Variants in STK3 observed in about 807,000 individuals in gnomAD.
The protein encoded by STK3 is serine/threonine kinase 3.
A neutral mutation model predicts 58.0 loss-of-function variants in STK3; 41 were observed. The ratio of observed to expected loss-of-function variants is 0.71; its 90% CI spans 0.55 to 0.92. The LOEUF is 0.92. STK3 is among the 40% of genes least tolerant of loss of function. STK3 has a pLI of 0.00. For synonymous variants in STK3, 170 were observed against 191.0 expected (o/e 0.89, Z 0.91); for missense variants, 479 against 602.7 (o/e 0.79, Z 2.15).
At chr8:98,760,001 T>C (rs1830520137) in intron 3 of STK3, among the ~76,000 whole-genome samples, 1 of 152,162 alleles carries the variant, frequency 6.6e-6, no homozygotes, top group Admixed American at 6.5e-5. Flanking sequence ...ATCCAAATAA[T>C]TGTTATACTG....
At chr8:98,451,056 T>A (rs193122081), downstream of STK3, among the ~76,000 whole-genome samples, 4 of 152,322 alleles carry the variant, frequency 2.6e-5, no homozygotes, top group East Asian at 7.7e-4. Context: ...GGAATATGCA[T>A]CTTCTTGTGG....
chr8:98,437,509 G>A (rs1479499671), intron 1 of STK3: 1 of 152,202 alleles, frequency 6.6e-6, no homozygotes. Context: ...GAACAGAATT[G>A]GGGTTCTTGG....
intron 10 of STK3, among the ~76,000 whole-genome samples, chr8:98,457,064 T>TGAC (rs1209335892): frequency 6.6e-6 from 1 of 152,210 alleles, no homozygotes; most frequent in Non-Finnish European, 1.5e-5. Flanking sequence ...TCCATGATGA[T>TGAC]GACTTTGAAG....
Position 98,905,547 on chromosome 8 carries a change from A to G in STK3, c.-78-21713T>C. On this transcript the variant is annotated intron_variant, in intron 1 of 1. Coordinates refer to the STK3 transcript ENST00000519420. The stretch of plus-strand genomic sequence containing the variant: ...ATCCTCAGCCGCCGTCTTGTCTTCT[A>G]TGTGTACAAAGCCGTAGTTCTTAAT... 9 of 1,046,566 alleles carry G rather than the reference A, an allele frequency of 8.6e-6. No homozygotes were observed. In the South Asian group the frequency reaches 1.0e-4, roughly 12 times the overall value. The allele number at this position is 1,046,566 out of a possible 1,614,324, so 64.8% of individuals were successfully genotyped here.
At chr8:98,345,445 C>T in the STK3 span, among the ~76,000 whole-genome samples, 1 of 151,964 alleles carries the variant, frequency 6.6e-6, no homozygotes, top group Non-Finnish European at 1.5e-5. Flanking sequence ...AAGCCTCAGG[C>T]TTTGCCAGTG....
In STK3 at chr8:98,522,865, C is replaced by T. The variant is rs117517980; in HGVS notation, c.1317+3877G>A. ...TCTTCAGTGCTTATCCATGTTGTAG[C>T]ATATTGCACAATTTCTTTCCTAAGG... On this transcript the variant is annotated intron_variant, in intron 10 of 10. Coordinates refer to ENST00000419617, the MANE Select transcript of STK3 (RefSeq NM_006281.4). Among the ~76,000 whole-genome samples the T allele has an allele frequency of 1.1e-4, 17 of 152,292 alleles. No homozygotes were observed. In the East Asian group the frequency reaches 2.9e-3, roughly 26 times the overall value.
intron 1 of STK3, among the ~76,000 whole-genome samples, chr8:98,449,161 T>C (rs1252738851): frequency 6.6e-6 from 1 of 152,168 alleles, no homozygotes; most frequent in East Asian, 1.9e-4. Flanking sequence ...GAACCTTATA[T>C]TCTAGAGTTC....
chr8:98,647,727 G>A (rs1277380597), intron 6 of STK3, among the ~76,000 whole-genome samples: 1 of 152,100 alleles, frequency 6.6e-6, no homozygotes, highest in African/African-American at 2.4e-5. Flanking sequence ...GGCTGGTGTT[G>A]AATTCCTTGA....
chr8:98,668,608 T>C (rs947085603), intron 6 of STK3, among the ~76,000 whole-genome samples: 2 of 152,188 alleles, frequency 1.3e-5, no homozygotes, highest in Non-Finnish European at 2.9e-5. Flanking sequence ...TAATACAAAA[T>C]CTTTTTTCAG....
intron 7 of STK3, among the ~76,000 whole-genome samples, chr8:98,586,103 G>A (rs555779753): frequency 2.0e-5 from 3 of 152,148 alleles, no homozygotes; most frequent in South Asian, 4.2e-4. Context: ...TCTCCTGCCT[G>A]ATTGCCCTGG....
chr8:98,702,139 G>C (rs1825674047), intron 6 of STK3, among the ~76,000 whole-genome samples: 2 of 152,044 alleles, frequency 1.3e-5, no homozygotes, highest in African/African-American at 2.4e-5. Context: ...AACAAATTTG[G>C]TTAACTCCTT....
chr8:98,884,739 A>G (rs1272554875), intron 1 of STK3, among the ~76,000 whole-genome samples: 1 of 152,196 alleles, frequency 6.6e-6, no homozygotes, highest in Non-Finnish European at 1.5e-5. Flanking sequence ...TCTCCTTGTG[A>G]TTTGATTAAT....
rs1232331599 is a variant in STK3, at chr8:98,694,648, A to G, written c.684+11819T>C. Among the ~76,000 whole-genome samples, 4 of 151,968 alleles carry G rather than the reference A, an allele frequency of 2.6e-5. 1 individual carries two copies. The highest frequency in any genetic ancestry group is 2.9e-5 in the Non-Finnish European group (2 of 68,002). On this transcript the variant is annotated intron_variant, in intron 6 of 10. Coordinates refer to ENST00000419617, the MANE Select transcript of STK3 (RefSeq NM_006281.4). Reference sequence around the variant, plus strand: ...AGTTTACTGAGAATCATGATTTCCAACTTCATCCATGTCCCTACAAAGAAC... The same window carrying G: ...AGTTTACTGAGAATCATGATTTCCAGCTTCATCCATGTCCCTACAAAGAAC...
chr8:98,585,076 C>T (rs1249525141), intron 7 of STK3, among the ~76,000 whole-genome samples: 1 of 150,534 alleles, frequency 6.6e-6, no homozygotes, highest in African/African-American at 2.4e-5. Context: ...GTTTCTTTTG[C>T]TGTGCAGAAG....
At chr8:98,888,807 A>G (rs1356433427) in intron 1 of STK3, among the ~76,000 whole-genome samples, 1 of 152,218 alleles carries the variant, frequency 6.6e-6, no homozygotes. Context: ...ACCAGTCACC[A>G]TTTCCAGTCT....
At chr8:98,874,887 C>T (rs756916539) in intron 3 of STK3, among the ~76,000 whole-genome samples, 39 of 151,842 alleles carry the variant, frequency 2.6e-4, no homozygotes, top group Non-Finnish European at 4.3e-4. Flanking sequence ...GCCTCCCAAA[C>T]AGCTGGGATT....
intron 9 of STK3, among the ~76,000 whole-genome samples, chr8:98,528,156 T>G (rs1178305369): frequency 6.6e-6 from 1 of 152,312 alleles, no homozygotes; most frequent in East Asian, 1.9e-4. Flanking sequence ...CTTAGGCCAT[T>G]GTAGCAGCCT....
intron 1 of STK3, among the ~76,000 whole-genome samples, chr8:98,942,077 G>GGCGGCGA (rs1840454504): frequency 6.6e-6 from 1 of 152,262 alleles, no homozygotes; most frequent in African/African-American, 2.4e-5. Flanking sequence ...GCTGGGGGCG[G>GGCGGCGA]GCGGCGAGCC....
intron 3 of STK3, among the ~76,000 whole-genome samples, chr8:98,852,259 C>T (rs903644390): frequency 6.6e-6 from 1 of 152,004 alleles, no homozygotes; most frequent in Admixed American, 6.6e-5. Flanking sequence ...CTCAGCCTCC[C>T]GAGCAGCTGG....
Sources: gnomAD v4.1 joint callset for allele counts (sites outside exome capture counted in the v4.1 genomes callset) on GRCh38, gnomAD v4.1.1 for gene constraint, MANE v1.5 for transcripts, NCBI Gene and HGNC (gene_info 2026-07-23, HGNC 2026-07-21) for gene names.